SCIMP: variants seen among roughly 807,000 people sequenced by gnomAD.
The protein encoded by SCIMP is SLP adaptor and CSK interacting membrane protein, also known as SLP adapter and CSK-interacting membrane protein.
A neutral mutation model predicts 22.0 loss-of-function variants in SCIMP; 18 were observed. The ratio of observed to expected loss-of-function variants is 0.82; its 90% CI spans 0.56 to 1.21. SCIMP has a LOEUF of 1.21. SCIMP is among the 50% of genes most tolerant of loss of function. The pLI, the probability that SCIMP is intolerant of heterozygous loss-of-function variation, is 0.00. For missense variants in SCIMP, 155 were observed against 171.2 expected (o/e 0.91, Z 0.53); for synonymous variants, 53 against 62.2 (o/e 0.85, Z 0.70).
chr17:5,226,295 T>C (rs978452551), intron 1 of SCIMP, among the ~76,000 whole-genome samples: 1 of 152,044 alleles, frequency 6.6e-6, no homozygotes, highest in African/African-American at 2.4e-5. Context: ...GTAGTGTAGC[T>C]TCCAAAAAAA....
intron 3 of SCIMP, among the ~76,000 whole-genome samples, chr17:5,218,471 C>G (rs1187775988): frequency 6.6e-6 from 1 of 152,148 alleles, no homozygotes; most frequent in Admixed American, 6.5e-5. Context: ...TCCCAAGTAG[C>G]TGGGATTACA....
At chr17:5,231,085 C>T (rs891680414) in intron 1 of SCIMP, among the ~76,000 whole-genome samples, 1 of 151,464 alleles carries the variant, frequency 6.6e-6, no homozygotes, top group Non-Finnish European at 1.5e-5. Flanking sequence ...AAGGGCTGGG[C>T]ACGGTGGCTC....
chr17:5,211,670 G>C (rs976225389), intron 4 of SCIMP, among the ~76,000 whole-genome samples: 7 of 152,164 alleles, frequency 4.6e-5, no homozygotes, highest in African/African-American at 1.7e-4. Flanking sequence ...GACTTACACT[G>C]TTTTCCAGGA....
intron 4 of SCIMP, among the ~76,000 whole-genome samples, chr17:5,212,757 A>C (rs1305352477): frequency 6.6e-6 from 1 of 152,240 alleles, no homozygotes; most frequent in Non-Finnish European, 1.5e-5. Context: ...ATGTTAGCTA[A>C]TATTATTTAT....
chr17:5,224,706 C>T (rs1048649882), intron 1 of SCIMP, among the ~76,000 whole-genome samples: 3 of 152,142 alleles, frequency 2.0e-5, no homozygotes, highest in South Asian at 2.1e-4. Context: ...CTACCTGCCT[C>T]GGCCTCCCAA....
rs1477070974 is a variant in SCIMP at position 5,209,787 on chromosome 17, C to T, written c.*1014G>A. ...ACAAGACATCTGCCCATGTCCCTGG[C>T]CCATCTCATTGGCTGCAGCACATCA... On this transcript the variant is annotated 3_prime_UTR_variant, in exon 5 of 5. Coordinates refer to ENST00000574081, the MANE Select transcript of SCIMP (RefSeq NM_207103.3). The T allele has an allele frequency of 1.3e-5, 2 of 152,234 alleles. No individual in the cohort carries two copies. The highest frequency in any genetic ancestry group is 3.9e-4 in the East Asian group (2 of 5,194). 9.4% of individuals were successfully genotyped at this position (152,234 alleles called of 1,614,324 possible). A position where few individuals can be genotyped will look rare whatever the true frequency, so the allele number is the denominator to read the frequency against.
Position 5,210,891 on chromosome 17 carries a change from C to T in SCIMP, c.348G>A (p.Lys116=), listed in dbSNP as rs779009502. 1 of 1,614,124 alleles carries T rather than the reference C, an allele frequency of 6.2e-7. No individual in the cohort carries two copies. The highest frequency in any genetic ancestry group is 8.5e-7 in the Non-Finnish European group (1 of 1,180,018). ...TYSLVNKVKN[K]KTVSIPSYIE... Reference sequence around the variant, plus strand: ...TGTAGCTTGGGATGGAAACAGTCTTCTTATTTTTAACTTTATTTACCAGTG... The same window carrying T: ...TGTAGCTTGGGATGGAAACAGTCTTTTTATTTTTAACTTTATTTACCAGTG... Residue 116 remains lysine (K), a synonymous_variant, in exon 5 of 5, where the codon AAG becomes AAA. Coordinates refer to ENST00000574081, the MANE Select transcript of SCIMP (RefSeq NM_207103.3).
chr17:5,214,860 AAAG>A (rs1305916516), intron 4 of SCIMP, 62 bp downstream of exon 4: 23 of 792,318 alleles, frequency 2.9e-5, no homozygotes, highest in East Asian at 1.0e-4. Flanking sequence ...AAAAAAAAAA[AAAG>A]ACACCTTGAT....
chr17:5,223,250 G>T, intron 2 of SCIMP, 83 bp downstream of exon 2: 1 of 1,465,240 alleles, frequency 6.8e-7, no homozygotes, highest in Non-Finnish European at 9.4e-7. Context: ...GCCCAGGATT[G>T]ATTTGCTTGC....
intron 3 of SCIMP, among the ~76,000 whole-genome samples, chr17:5,218,794 T>G (rs1415594715): frequency 6.6e-6 from 1 of 152,130 alleles, no homozygotes; most frequent in African/African-American, 2.4e-5. Context: ...AAGCAGAGAT[T>G]TAAAAATGTT....
At chr17:5,223,214 C>T in intron 2 of SCIMP, 119 bp downstream of exon 2, 2 of 1,091,018 alleles carry the variant, frequency 1.8e-6, no homozygotes, top group Non-Finnish European at 2.7e-6. Flanking sequence ...ATGCAAGATG[C>T]TTAATCCAAA....
At chr17:5,231,327 T>C (rs2074692280) in intron 1 of SCIMP, among the ~76,000 whole-genome samples, 1 of 149,290 alleles carries the variant, frequency 6.7e-6, no homozygotes, top group Non-Finnish European at 1.5e-5. Flanking sequence ...GCCATTGCAC[T>C]CCAGCCTGAG....
At chr17:5,234,191 AAC>A (rs1236118636) in intron 1 of SCIMP, among the ~76,000 whole-genome samples, 1 of 152,092 alleles carries the variant, frequency 6.6e-6, no homozygotes, top group Non-Finnish European at 1.5e-5. Context: ...GAATCGCTTG[AAC>A]CCGGGAGGCG....
rs986085926 is a variant in SCIMP at position 5,210,591 on chromosome 17, G to A, written c.*210C>T. 1.7e-5 allele frequency: 10 copies of A among 579,780 alleles called. No homozygotes were observed. Among genetic ancestry groups the A allele is most frequent in the African/African-American group, 1.1e-4 (6 of 52,544 alleles). The allele number at this position is 579,780 out of a possible 1,614,324, so 35.9% of individuals were successfully genotyped here. A position where few individuals can be genotyped will look rare whatever the true frequency, so the allele number is the denominator to read the frequency against. ...CTGACCCCTCTAAGTCCTCAGAGCC[G>A]AGCACCCATGTGTCTCCTCTGGCTG... On this transcript the variant is annotated 3_prime_UTR_variant, in exon 5 of 5. Coordinates refer to ENST00000574081, the MANE Select transcript of SCIMP (RefSeq NM_207103.3).
chr17:5,225,115 T>A (rs2144333467), intron 1 of SCIMP, among the ~76,000 whole-genome samples: 1 of 152,312 alleles, frequency 6.6e-6, no homozygotes, highest in South Asian at 2.1e-4. Flanking sequence ...AGCCTTAAAT[T>A]GCTACCTAGG....
intron 1 of SCIMP, among the ~76,000 whole-genome samples, chr17:5,225,515 C>A (rs945861781): frequency 1.3e-5 from 2 of 152,146 alleles, no homozygotes; most frequent in Non-Finnish European, 1.5e-5. Context: ...AATCTCATAA[C>A]TTTGGGTGGC....
chr17:5,229,384 C>CTTTTTT (rs71151849), intron 1 of SCIMP, among the ~76,000 whole-genome samples: 3 of 59,284 alleles, frequency 5.1e-5, no homozygotes, highest in African/African-American at 7.3e-5. Flanking sequence ...GTTTATTTAG[C>CTTTTTT]TTTTTTTTTT....
At chr17:5,214,838 T>TAAAAAA in intron 4 of SCIMP, 87 bp downstream of exon 4, 4 of 453,182 alleles carry the variant, frequency 8.8e-6, no homozygotes, top group South Asian at 2.2e-5. Flanking sequence ...AGACTCCATC[T>TAAAAAA]AAAAAAAAAA....
At chr17:5,223,706 C>G (rs913283782) in intron 1 of SCIMP, 1 of 404,872 alleles carries the variant, frequency 2.5e-6, no homozygotes, top group African/African-American at 2.1e-5. Context: ...CCTGCCACCA[C>G]GCCTGGCTAA....
Sources: allele counts gnomAD v4.1 joint callset (sites outside exome capture counted in the v4.1 genomes callset), GRCh38; gene constraint gnomAD v4.1.1; transcripts MANE v1.5; gene names NCBI Gene and HGNC (gene_info 2026-07-23, HGNC 2026-07-21).